The following ITGB1 variants were observed in gnomAD, a reference collection of about 807,000 sequenced individuals.
ITGB1 encodes the protein integrin beta-1.
Under a neutral mutation model 86.5 loss-of-function variants are expected in ITGB1, and 24 were observed. The ratio of observed to expected loss-of-function variants is 0.28; its 90% CI spans 0.20 to 0.39. ITGB1 has a LOEUF of 0.39. Ranked by LOEUF, ITGB1 falls within the 10% of genes least tolerant of loss-of-function variation. The probability of loss-of-function intolerance (pLI) is 1.00; values close to 1 mark genes in which losing one functional copy is unlikely to be tolerated. For missense variants in ITGB1, 556 were observed against 946.9 expected, an observed-to-expected ratio of 0.59 and a Z score of 5.42; for synonymous variants, 323 against 316.8, an observed-to-expected ratio of 1.02 and a Z score of -0.21.
At position 32,947,432 on chromosome 10, in the gene ITGB1, C is replaced by CATGTGT. The variant is rs148694478; in HGVS notation, c.-1+10712_-1+10713insACACAT. Among the ~76,000 whole-genome samples, 105 of 137,296 alleles carry CATGTGT rather than the reference C, an allele frequency of 7.6e-4. 1 individual carries two copies. Among genetic ancestry groups the CATGTGT allele is most frequent in the Admixed American group, 1.4e-3 (19 of 13,802 alleles). The allele number at this position is 137,296 out of a possible 152,430, so 90.1% of individuals were successfully genotyped here. A position where few individuals can be genotyped will look rare whatever the true frequency, so the allele number is the denominator to read the frequency against. ...TAAAGCCAGGTGATTCACATATAGC[C>CATGTGT]GTGTGTGTGTGTGTGTGTGTGTGTG... On this transcript the variant is annotated intron_variant, in intron 1 of 15. Coordinates refer to ENST00000302278, the MANE Select transcript of ITGB1 (RefSeq NM_002211.4).
intron 6 of ITGB1, 56 bp downstream of exon 6, chr10:32,925,815 A>T: frequency 9.4e-7 from 1 of 1,062,102 alleles, no homozygotes; most frequent in Non-Finnish European, 1.4e-6. Flanking sequence ...AATCACACTT[A>T]AAATTCACAC....
intron 15 of ITGB1, chr10:32,907,239 C>A: frequency 2.6e-6 from 1 of 384,252 alleles, no homozygotes; most frequent in Non-Finnish European, 4.8e-6. Context: ...TTTATTTCTA[C>A]CCTTCTGAAA....
intron 11 of ITGB1, among the ~76,000 whole-genome samples, chr10:32,913,631 A>T (rs1426188229): frequency 6.6e-6 from 1 of 152,248 alleles, no homozygotes; most frequent in Non-Finnish European, 1.5e-5. Context: ...GAGTAAAAAG[A>T]AACGAACAAA....
rs2094951667 is a variant in ITGB1 at position 32,922,039 on chromosome 10, C to T, written c.1128+218G>A. 1.3e-5 allele frequency among the ~76,000 whole-genome samples: 2 copies of T among 152,166 alleles called. 1 individual carries two copies. Among genetic ancestry groups the T allele is most frequent in the East Asian group, 3.8e-4 (2 of 5,198 alleles). ...CAAACAGTTATTTGGAAATACTCCC[C>T]ACATGCCTTTATCACATTTTCACTT... On this transcript the variant is annotated intron_variant, in intron 9 of 15. Transcript: ENST00000302278.
chr10:32,946,897 T>A (rs1364176739), intron 1 of ITGB1, among the ~76,000 whole-genome samples: 1 of 151,504 alleles, frequency 6.6e-6, no homozygotes, highest in South Asian at 2.1e-4. Flanking sequence ...CAGGCTGGAG[T>A]GCAGTGGCAT....
intron 15 of ITGB1, among the ~76,000 whole-genome samples, chr10:32,903,160 T>C (rs1448198640): frequency 1.3e-5 from 2 of 151,838 alleles, no homozygotes; most frequent in African/African-American, 4.8e-5. Flanking sequence ...GAGATCAGCC[T>C]GGCCAACACG....
At chr10:32,915,261 G>A (rs1177136792) in intron 11 of ITGB1, among the ~76,000 whole-genome samples, 1 of 152,054 alleles carries the variant, frequency 6.6e-6, no homozygotes, top group Non-Finnish European at 1.5e-5. Flanking sequence ...AAGAACTAGA[G>A]AAGCAAGAGC....
Position 32,911,978 on chromosome 10 carries a change from C to T in ITGB1, c.1616G>A (p.Arg539Lys), listed in dbSNP as rs1424942339. Residue 539 changes from arginine (R) to lysine (K), a missense_variant, in exon 12 of 16, where the codon AGG (arginine) becomes AAG (lysine). Physicochemically the swap from Arg to Lys is conservative, Grantham distance 26 (BLOSUM62 2). Coordinates refer to ENST00000302278, the MANE Select transcript of ITGB1 (RefSeq NM_002211.4). The stretch of plus-strand genomic sequence containing the variant: ...AATTTCATTTGTATTATCCCTCTTC[C>T]TACAAACACACTGTCCGCAGACGCA... The part of the protein sequence containing the change: ...GECVCGQCVC[R>K]KRDNTNEIYS... 6.2e-7 allele frequency: 1 copy of T among 1,614,158 alleles called. No individual in the cohort carries two copies. Among genetic ancestry groups the T allele is most frequent in the South Asian group, 1.1e-5 (1 of 91,082 alleles).
At chr10:32,924,565 A>C (rs1239899985) in intron 6 of ITGB1, among the ~76,000 whole-genome samples, 1 of 152,198 alleles carries the variant, frequency 6.6e-6, no homozygotes, top group Non-Finnish European at 1.5e-5. Flanking sequence ...GTGGATCAGC[A>C]TGACCAACAC....
chr10:32,922,650 G>A lies in ITGB1; in HGVS notation c.1028C>T (p.Pro343Leu), dbSNP rs1158354537. The A allele has an allele frequency of 2.5e-6, 4 of 1,577,012 alleles. No homozygotes were observed. The African/African-American group carries it at 4.1e-5, about 16-fold the overall frequency. ...ATCTCACACATTTACCTTGTAAACA[G>A]GCTGAAATTCTTCAGTAACTGCAAA... is the stretch of plus-strand genomic sequence containing the variant. Reference protein sequence around the residue: ...TIFAVTEEFQPVYKELKNLIP... With the variant: ...TIFAVTEEFQLVYKELKNLIP... Residue 343 changes from proline (P) to leucine (L), a missense_variant, in exon 8 of 16, where the codon CCT (proline) becomes CTT (leucine). Transcript: ENST00000302278.
At chr10:32,920,124 T>G in intron 10 of ITGB1, 40 bp from the exon 11 acceptor site, 2 of 1,573,138 alleles carry the variant, frequency 1.3e-6, no homozygotes, top group South Asian at 2.3e-5. Flanking sequence ...ACTAAACAAT[T>G]TAAATCTACT....
At chr10:32,922,190 C>G in intron 9 of ITGB1, 67 bp downstream of exon 9, 1 of 1,027,518 alleles carries the variant, frequency 9.7e-7, no homozygotes, top group Non-Finnish European at 1.4e-6. Context: ...GGAAGTTTTA[C>G]TTTCTTTGTA....
At chr10:32,919,124 T>C (rs1284627788) in intron 11 of ITGB1, among the ~76,000 whole-genome samples, 3 of 152,252 alleles carry the variant, frequency 2.0e-5, no homozygotes, top group African/African-American at 4.8e-5. Context: ...TTTAAATTGT[T>C]ACTTAGCACA....
At chr10:32,943,659 T>TG (rs1001550168) in intron 1 of ITGB1, among the ~76,000 whole-genome samples, 1 of 151,954 alleles carries the variant, frequency 6.6e-6, no homozygotes, top group Non-Finnish European at 1.5e-5. Flanking sequence ...CAGGCAGTCT[T>TG]GGGGGAAAAG....
At chr10:32,903,371 AAAGAG>A (rs2094887425) in intron 15 of ITGB1, among the ~76,000 whole-genome samples, 1 of 151,294 alleles carries the variant, frequency 6.6e-6, no homozygotes, top group Non-Finnish European at 1.5e-5. Context: ...AAAAAAAAAA[AAAGAG>A]GAAAAAAAAG....
At position 32,911,564 on chromosome 10, in the gene ITGB1, C is replaced by A. The variant is rs749178434; in HGVS notation, c.1815G>T (p.Gln605His). Residue 605 changes from glutamine to histidine, a missense_variant, in exon 13 of 16, where the codon CAG becomes CAT. Coordinates refer to ENST00000302278, the MANE Select transcript of ITGB1 (RefSeq NM_002211.4). ...DTSTCEASNG[Q>H]ICNGRGICEC... ...CGCAGATGCCCCGGCCATTGCAGAT[C>A]TGTCCGTTGCTGGCTTCACAAGTAC... The A allele has an allele frequency of 6.2e-7, 1 of 1,614,168 alleles. No individual in the cohort carries two copies. The highest frequency in any genetic ancestry group is 8.5e-7 in the Non-Finnish European group (1 of 1,180,024).
intron 15 of ITGB1, among the ~76,000 whole-genome samples, chr10:32,903,678 G>T (rs79853754): frequency 1.3e-5 from 2 of 152,164 alleles, no homozygotes; most frequent in East Asian, 3.9e-4. Context: ...GGATCCCTCA[G>T]AGACAAACAG....
At chr10:32,908,260 A>G in intron 15 of ITGB1, 108 bp downstream of exon 15, 1 of 1,087,366 alleles carries the variant, frequency 9.2e-7, no homozygotes, top group Non-Finnish European at 1.4e-6. Context: ...GGGGAATAAA[A>G]TACTTAGAAA....
At chr10:32,938,398 G>T (rs1283369991) in intron 1 of ITGB1, among the ~76,000 whole-genome samples, 1 of 152,192 alleles carries the variant, frequency 6.6e-6, no homozygotes, top group Non-Finnish European at 1.5e-5. Flanking sequence ...AACTCAGGCT[G>T]TTTAATGATC....
Sources: allele counts gnomAD v4.1 joint callset (sites outside exome capture counted in the v4.1 genomes callset), GRCh38; gene constraint gnomAD v4.1.1; transcripts MANE v1.5; gene names NCBI Gene and HGNC (gene_info 2026-07-23, HGNC 2026-07-21).